UBE2W: variants seen among roughly 807,000 people sequenced by gnomAD.
UBE2W encodes the protein ubiquitin conjugating enzyme E2 W.
UBE2W carries 18 observed loss-of-function variants against 27.2 expected under a neutral mutation model. The observed-to-expected ratio is 0.66, with a 90% CI of 0.46 to 0.98. The LOEUF (loss-of-function observed/expected upper bound fraction) is 0.98. Ranked by LOEUF, UBE2W falls within the 50% of genes least tolerant of loss-of-function variation. The pLI is 0.00. For missense variants in UBE2W, 90 were observed against 180.2 expected (o/e 0.50, Z 2.87); for synonymous variants, 53 against 57.2 (o/e 0.93, Z 0.33).
At chr8:73,844,915 C>T (rs953253478) in intron 1 of UBE2W, among the ~76,000 whole-genome samples, 24 of 152,056 alleles carry the variant, frequency 1.6e-4, no homozygotes, top group Admixed American at 2.6e-4. Context: ...GCCCGGCAGC[C>T]GCCCGGTCTG....
intron 1 of UBE2W, among the ~76,000 whole-genome samples, chr8:73,841,475 G>T (rs976227132): frequency 1.7e-4 from 26 of 152,082 alleles, no homozygotes; most frequent in Non-Finnish European, 2.9e-4. Context: ...AAATGAAAAA[G>T]TGTCAAGACT....
intron 1 of UBE2W, among the ~76,000 whole-genome samples, chr8:73,863,406 T>G: frequency 1.4e-5 from 2 of 142,474 alleles, no homozygotes; most frequent in African/African-American, 2.7e-5. Context: ...GGAAGGGGAG[T>G]ATCACACTCT....
intron 5 of UBE2W, among the ~76,000 whole-genome samples, chr8:73,795,456 C>T (rs1808374467): frequency 6.6e-6 from 1 of 152,188 alleles, no homozygotes; most frequent in African/African-American, 2.4e-5. Flanking sequence ...TCACCAGAAG[C>T]AAATGCCAGC....
chr8:73,840,314 C>T (rs985600836), intron 1 of UBE2W, among the ~76,000 whole-genome samples: 5 of 152,176 alleles, frequency 3.3e-5, no homozygotes, highest in African/African-American at 1.2e-4. Flanking sequence ...CCTTGGCCTC[C>T]CAAAGGGCTG....
intron 3 of UBE2W, among the ~76,000 whole-genome samples, chr8:73,817,070 A>G (rs2130884879): frequency 6.6e-6 from 1 of 151,142 alleles, no homozygotes; most frequent in Middle Eastern, 3.5e-3. Context: ...TCACACCTAT[A>G]ATCCCAGAAC....
At chr8:73,836,296 T>C (rs1430279455) in intron 1 of UBE2W, among the ~76,000 whole-genome samples, 1 of 152,202 alleles carries the variant, frequency 6.6e-6, no homozygotes, top group Non-Finnish European at 1.5e-5. Flanking sequence ...ATAAACTGCC[T>C]TGCATATTCA....
chr8:73,812,798 T>C (rs1007926953), intron 3 of UBE2W, among the ~76,000 whole-genome samples: 13 of 151,970 alleles, frequency 8.6e-5, no homozygotes, highest in Admixed American at 3.9e-4. Flanking sequence ...AGGTCAGCAG[T>C]TTGAGACCAG....
downstream of UBE2W, among the ~76,000 whole-genome samples, chr8:73,781,693 C>A (rs555273873): frequency 2.2e-4 from 33 of 149,750 alleles, 1 homozygote; most frequent in Admixed American, 1.0e-3. Context: ...GATCTTCTTA[C>A]CCCAGCCTCC....
chr8:73,868,375 CCCTTACAAA>C (rs1187491587), intron 1 of UBE2W, among the ~76,000 whole-genome samples: 3 of 152,210 alleles, frequency 2.0e-5, no homozygotes, highest in Non-Finnish European at 2.9e-5. Flanking sequence ...GGGTTCATGA[CCCTTACAAA>C]CCTCACATAT....
At chr8:73,798,498 C>A (rs1177110402) in intron 5 of UBE2W, among the ~76,000 whole-genome samples, 1 of 152,154 alleles carries the variant, frequency 6.6e-6, no homozygotes, top group Non-Finnish European at 1.5e-5. Flanking sequence ...ATTCAACCTA[C>A]AGTTTATAAC....
chr8:73,815,679 G>A (rs1809354743), intron 3 of UBE2W, among the ~76,000 whole-genome samples: 2 of 152,172 alleles, frequency 1.3e-5, no homozygotes, highest in Admixed American at 6.5e-5. Flanking sequence ...CACAACTACT[G>A]TTCAGACTAG....
chr8:73,781,211 A>C (rs891135487), intron 4 of UBE2W, among the ~76,000 whole-genome samples: 1 of 150,054 alleles, frequency 6.7e-6, no homozygotes, highest in Non-Finnish European at 1.5e-5. Flanking sequence ...CGGAGGTTGC[A>C]GTGAGCCGAG....
intron 1 of UBE2W, among the ~76,000 whole-genome samples, chr8:73,842,768 C>T (rs1182328620): frequency 2.6e-5 from 4 of 152,028 alleles, no homozygotes; most frequent in Non-Finnish European, 4.4e-5. Context: ...ATACTGTTTG[C>T]ACTACATGCC....
At chr8:73,802,668 C>CA (rs1217738666) in intron 5 of UBE2W, among the ~76,000 whole-genome samples, 1 of 150,344 alleles carries the variant, frequency 6.7e-6, no homozygotes, top group Non-Finnish European at 1.5e-5. Context: ...GGCAGGCGAT[C>CA]ACCCTGAGGT....
chr8:73,869,932 T>G (rs1811931463), intron 1 of UBE2W, among the ~76,000 whole-genome samples: 2 of 151,996 alleles, frequency 1.3e-5, no homozygotes, highest in African/African-American at 4.8e-5. Flanking sequence ...AATTCCACTC[T>G]CACAAAATAC....
intron 1 of UBE2W, among the ~76,000 whole-genome samples, chr8:73,853,255 T>C (rs999242719): frequency 6.6e-6 from 1 of 152,204 alleles, no homozygotes; most frequent in East Asian, 1.9e-4. Context: ...TCTAAGGTAC[T>C]GAGGTATAGC....
chr8:73,802,634 A>G (rs145981104), intron 5 of UBE2W, among the ~76,000 whole-genome samples: 5,792 of 152,354 alleles, frequency 0.038, 149 homozygotes, highest in Non-Finnish European at 0.061. Context: ...TCACGCCTGT[A>G]ATCCCAGCAC....
chr8:73,852,008 A>G, intron 1 of UBE2W, among the ~76,000 whole-genome samples: 1 of 151,300 alleles, frequency 6.6e-6, no homozygotes, highest in Non-Finnish European at 1.5e-5. Flanking sequence ...AGGGAAGACA[A>G]AAATGAAGGG....
chr8:73,825,773 C>G (rs777349915), intron 2 of UBE2W, among the ~76,000 whole-genome samples: 1 of 152,190 alleles, frequency 6.6e-6, no homozygotes. Flanking sequence ...TGCACTCCAG[C>G]CTGGGCTACA....
Sources: gnomAD v4.1 joint callset for allele counts (sites outside exome capture counted in the v4.1 genomes callset) on GRCh38, gnomAD v4.1.1 for gene constraint, MANE v1.5 for transcripts, NCBI Gene and HGNC (gene_info 2026-07-23, HGNC 2026-07-21) for gene names.